Variants in ITPR2 observed in about 807,000 individuals in gnomAD.
ITPR2 encodes the protein inositol 1,4,5-trisphosphate receptor type 2, also known as inositol 1,4,5-trisphosphate-gated calcium channel ITPR2.
A neutral mutation model predicts 317.1 loss-of-function variants in ITPR2; 207 were observed. That is an observed-to-expected ratio of 0.65 (90% CI 0.58 to 0.73). The LOEUF (loss-of-function observed/expected upper bound fraction) is 0.73, where lower values mean the gene tolerates loss of function less well. Ranked by LOEUF, ITPR2 falls within the 30% of genes least tolerant of loss-of-function variation. ITPR2 has a pLI of 0.00. For synonymous variants in ITPR2, 1,156 were observed against 1,149.1 expected (o/e 1.01, Z -0.12); for missense variants, 2,613 against 3,284.0 (o/e 0.80, Z 4.99).
chr12:26,782,241 C>T (rs1332345834), intron 2 of ITPR2, among the ~76,000 whole-genome samples: 1 of 151,608 alleles, frequency 6.6e-6, no homozygotes, highest in Non-Finnish European at 1.5e-5. Context: ...GAGGAGTTCT[C>T]ATTAGACAAA....
At chr12:26,496,727 A>C (rs1331870595) in intron 37 of ITPR2, among the ~76,000 whole-genome samples, 2 of 152,080 alleles carry the variant, frequency 1.3e-5, no homozygotes, top group Non-Finnish European at 2.9e-5. Flanking sequence ...GCAGATCACG[A>C]GGTCAGGAGA....
At chr12:26,786,449 T>TAAAAAAAAAAAAAA (rs59014121) in intron 2 of ITPR2, among the ~76,000 whole-genome samples, 53 of 119,182 alleles carry the variant, frequency 4.4e-4, no homozygotes, top group African/African-American at 1.8e-3. Flanking sequence ...GAATGATCAA[T>TAAAAAAAAAAAAAA]AAAAAAAAAA....
At chr12:26,475,224 T>C in intron 45 of ITPR2, 72 bp downstream of exon 45, 1 of 1,552,078 alleles carries the variant, frequency 6.4e-7, no homozygotes, top group South Asian at 1.1e-5. Context: ...AACTTGAAAA[T>C]ATGACAAGCC....
chr12:26,616,996 C>T (rs994616886), intron 26 of ITPR2, among the ~76,000 whole-genome samples: 3 of 152,148 alleles, frequency 2.0e-5, no homozygotes, highest in African/African-American at 7.2e-5. Flanking sequence ...ATTCACACAA[C>T]ACAGAAAATA....
At chr12:26,695,886 A>G (rs1304195086) in intron 9 of ITPR2, among the ~76,000 whole-genome samples, 1 of 152,206 alleles carries the variant, frequency 6.6e-6, no homozygotes, top group Non-Finnish European at 1.5e-5. Context: ...AACTGTTGAC[A>G]TCTTTGAAGA....
chr12:26,772,442 T>TATATATA (rs2137154048), intron 2 of ITPR2, among the ~76,000 whole-genome samples: 1 of 72,934 alleles, frequency 1.4e-5, no homozygotes, highest in Non-Finnish European at 3.1e-5. Context: ...ATACATGTAT[T>TATATATA]ATATATATTA....
chr12:26,375,075 C>T (rs1939296393), intron 55 of ITPR2, among the ~76,000 whole-genome samples: 1 of 152,158 alleles, frequency 6.6e-6, no homozygotes. Flanking sequence ...AGTTCTTATT[C>T]CCACAACTTA....
chr12:26,578,831 T>A lies in ITPR2; in HGVS notation c.4512A>T (p.Thr1504=). ...GTAGCTGAATAAAAACTGGCTGATG[T>A]GTCTAAAACCAGAAAGAAGGTAGGC... is the stretch of plus-strand genomic sequence containing the variant. ...PFSDNSTSLQ[T]HQPVFIQLLQ... Residue 1504 remains threonine, a splice_region_variant and synonymous_variant, in exon 34 of 57, where the codon ACA becomes ACT. Transcript: ENST00000381340. The A allele has an allele frequency of 1.2e-6, 2 of 1,606,744 alleles. No homozygotes were observed. Among genetic ancestry groups the A allele is most frequent in the Non-Finnish European group, 1.7e-6 (2 of 1,174,716 alleles).
intron 37 of ITPR2, among the ~76,000 whole-genome samples, chr12:26,535,297 C>T (rs10842749): frequency 0.71 from 107,675 of 152,080 alleles, 39,738 homozygotes; most frequent in Non-Finnish European, 0.83. Context: ...AAAAAAGCTA[C>T]ATATGGCATT....
chr12:26,586,649 T>G (rs1346345376), intron 32 of ITPR2, among the ~76,000 whole-genome samples: 1 of 152,202 alleles, frequency 6.6e-6, no homozygotes, highest in Non-Finnish European at 1.5e-5. Flanking sequence ...TCACCCTAAA[T>G]AGTCAGTGTC....
chr12:26,392,676 T>C (rs1309634139), intron 54 of ITPR2, among the ~76,000 whole-genome samples: 1 of 152,228 alleles, frequency 6.6e-6, no homozygotes, highest in African/African-American at 2.4e-5. Flanking sequence ...TGAACGGGCT[T>C]GATGTCCAAT....
intron 43 of ITPR2, among the ~76,000 whole-genome samples, chr12:26,477,909 C>T (rs558160158): frequency 6.6e-6 from 1 of 152,222 alleles, no homozygotes; most frequent in South Asian, 2.1e-4. Flanking sequence ...TTTATTTCTA[C>T]AGTGTGCTCA....
chr12:26,695,155 C>T (rs1213374612), intron 10 of ITPR2, among the ~76,000 whole-genome samples: 2 of 152,142 alleles, frequency 1.3e-5, no homozygotes, highest in South Asian at 2.1e-4. Context: ...ATCTAGATTA[C>T]GCCAAAATAT....
chr12:26,487,109 T>C lies in ITPR2; in HGVS notation c.5513A>G (p.Asp1838Gly), dbSNP rs1436901924. 3 of 1,612,550 alleles carry C rather than the reference T, an allele frequency of 1.9e-6. No individual in the cohort carries two copies. The highest frequency in any genetic ancestry group is 3.4e-5 in the Admixed American group (2 of 59,630). Reference sequence around the variant, plus strand: ...AGATGTCATCAATTCATTGTCATCGTCCCTTTTTTTGTTACCTAAATCTAT... The same window carrying C: ...AGATGTCATCAATTCATTGTCATCGCCCCTTTTTTTGTTACCTAAATCTAT... ...NTIDLGNKKR[D>G]DDNELMTSGP... Residue 1838 changes from aspartate (D) to glycine (G), a missense_variant, in exon 40 of 57, where the codon GAC becomes GGC. Physicochemically the swap from Asp to Gly is moderately conservative, Grantham distance 94 (BLOSUM62 -1). Coordinates refer to ENST00000381340, the MANE Select transcript of ITPR2 (RefSeq NM_002223.4).
chr12:26,438,102 G>GA (rs1280468576), intron 47 of ITPR2, among the ~76,000 whole-genome samples: 1 of 142,948 alleles, frequency 7.0e-6, no homozygotes, highest in Non-Finnish European at 1.5e-5. Context: ...CGCCTGGCCA[G>GA]AAAATATATG....
chr12:26,720,614 C>T lies in ITPR2; in HGVS notation c.525+1783G>A, dbSNP rs949646197. Among the ~76,000 whole-genome samples the T allele has an allele frequency of 6.6e-5, 10 of 152,174 alleles. No individual in the cohort carries two copies. The South Asian group carries it at 1.0e-3, about 16-fold the overall frequency. On this transcript the variant is annotated intron_variant, in intron 5 of 56. Coordinates refer to ENST00000381340, the MANE Select transcript of ITPR2 (RefSeq NM_002223.4). ...AAAGCTACACAGTGGCAAACAAAAACGGTGAGCTGTTTCAGCAAAAAGCAG... is the reference window on the plus strand; with the variant it reads ...AAAGCTACACAGTGGCAAACAAAAATGGTGAGCTGTTTCAGCAAAAAGCAG...
chr12:26,475,485 TA>T (rs1325633902), intron 44 of ITPR2, 67 bp from the exon 45 acceptor site: 2 of 1,544,004 alleles, frequency 1.3e-6, no homozygotes, highest in African/African-American at 2.8e-5. Context: ...TTATGAGATT[TA>T]ATTAAAAATT....
At chr12:26,497,982 G>A (rs2344160) in intron 37 of ITPR2, among the ~76,000 whole-genome samples, 11,242 of 151,376 alleles carry the variant, frequency 0.074, 471 homozygotes, top group South Asian at 0.14. Flanking sequence ...GCAATCTGCC[G>A]GCCTCAGCCT....
At position 26,354,433 on chromosome 12, in the gene ITPR2, T is replaced by TAC. The variant is rs1938570591; in HGVS notation, c.7858-14107_7858-14106dup. On this transcript the variant is annotated intron_variant, in intron 55 of 56. Transcript: ENST00000381340. The stretch of plus-strand genomic sequence containing the variant: ...ACAAGTGATGATGAAACCTTAAAAT[T>TAC]ACAGAGTAGCTCAAGGAAGGGTCCA... 2.0e-5 allele frequency among the ~76,000 whole-genome samples: 3 copies of TAC among 152,270 alleles called. No individual in the cohort carries two copies. The South Asian group carries it at 6.2e-4, about 32-fold the overall frequency.
Sources: allele counts gnomAD v4.1 joint callset (sites outside exome capture counted in the v4.1 genomes callset), GRCh38; gene constraint gnomAD v4.1.1; transcripts MANE v1.5; gene names NCBI Gene and HGNC (gene_info 2026-07-23, HGNC 2026-07-21).